The following TSHZ1 variants were observed in gnomAD, a reference collection of about 807,000 sequenced individuals.
The protein encoded by TSHZ1 is teashirt zinc finger homeobox 1.
TSHZ1 carries 12 observed loss-of-function variants against 67.1 expected under a neutral mutation model. That is an observed-to-expected ratio of 0.18 (90% CI 0.11 to 0.29). TSHZ1 has a LOEUF of 0.29. Ranked by LOEUF, TSHZ1 falls within the 10% of genes least tolerant of loss-of-function variation. TSHZ1 has a pLI of 1.00. For synonymous variants in TSHZ1, 632 were observed against 622.4 expected, an observed-to-expected ratio of 1.02 and a Z score of -0.23; for missense variants, 1,305 against 1,413.9, an observed-to-expected ratio of 0.92 and a Z score of 1.23.
At position 75,287,651 on chromosome 18, in the gene TSHZ1, T is replaced by A; in HGVS notation, c.2244T>A (p.Ala748=). The A allele has an allele frequency of 6.2e-7, 1 of 1,614,184 alleles. No individual in the cohort carries two copies. Among genetic ancestry groups the A allele is most frequent in the Non-Finnish European group, 8.5e-7 (1 of 1,180,042 alleles). ...CTTCCTTCATCAACCCGCTGAGCGC[T>A]TTGCAGTCCATCATGAACACCCACC... ...PEPSFINPLS[A]LQSIMNTHLG... The change falls in exon 2 of 2, where the codon GCT becomes GCA. Residue 748 remains alanine (A), a synonymous_variant. Transcript: ENST00000580243. The surrounding 1 kb of genome is among the most constrained non-coding windows in gnomAD (Gnocchi z 5.0).
intron 1 of TSHZ1, among the ~76,000 whole-genome samples, chr18:75,277,331 C>T (rs1397560025): frequency 6.6e-6 from 1 of 152,112 alleles, no homozygotes; most frequent in African/African-American, 2.4e-5. Flanking sequence ...AGCCACAGGA[C>T]GATGGCACAT....
chr18:75,223,116 A>G (rs2022870701), intron 1 of TSHZ1, among the ~76,000 whole-genome samples: 1 of 152,152 alleles, frequency 6.6e-6, no homozygotes, highest in Middle Eastern at 3.2e-3. Context: ...TAATACATTT[A>G]TTCCTCCGTT....
chr18:75,275,958 C>T (rs1245708608), intron 1 of TSHZ1, among the ~76,000 whole-genome samples: 1 of 152,136 alleles, frequency 6.6e-6, no homozygotes, highest in African/African-American at 2.4e-5. Flanking sequence ...ATATAATGTC[C>T]TCTTTTTCTT....
chr18:75,288,919 G>A lies in TSHZ1; in HGVS notation c.*278G>A, dbSNP rs2023824883. 3.2e-6 allele frequency: 1 copy of A among 317,378 alleles called. No individual in the cohort carries two copies. The highest frequency in any genetic ancestry group is 6.0e-6 in the Non-Finnish European group (1 of 167,782). The allele number at this position is 317,378 out of a possible 1,614,324, so 19.7% of individuals were successfully genotyped here. On this transcript the variant is annotated 3_prime_UTR_variant, in exon 2 of 2. Transcript: ENST00000580243. The surrounding 1 kb of genome is among the most constrained non-coding windows in gnomAD (Gnocchi z 4.9). ...GAAATAGTGGGGCACACTACTCAGA[G>A]ACATTATTTAGCAGTAAAGAAAGAC...
At chr18:75,259,338 A>C (rs2023402063) in intron 1 of TSHZ1, among the ~76,000 whole-genome samples, 1 of 152,188 alleles carries the variant, frequency 6.6e-6, no homozygotes, top group Non-Finnish European at 1.5e-5. Context: ...ACTCACCCAC[A>C]GGCAGTCAAC....
chr18:75,276,292 G>GT (rs11390098), intron 1 of TSHZ1, among the ~76,000 whole-genome samples: 147,046 of 149,068 alleles, frequency 0.99, 72,531 homozygotes, highest in Middle Eastern at 1. Context: ...TGTTTCTATT[G>GT]TTTTTTTTTT....
chr18:75,284,659 G>C (rs1050813341), intron 1 of TSHZ1: 1 of 152,426 alleles, frequency 6.6e-6, no homozygotes, highest in Admixed American at 6.5e-5. Context: ...ATGTCCTCTT[G>C]TGTCTGGCTG....
chr18:75,229,985 G>A (rs2022976930), intron 1 of TSHZ1, among the ~76,000 whole-genome samples: 1 of 152,064 alleles, frequency 6.6e-6, no homozygotes, highest in Non-Finnish European at 1.5e-5. Flanking sequence ...GGTGATACTG[G>A]GTATTTTAGA....
intron 1 of TSHZ1, among the ~76,000 whole-genome samples, chr18:75,277,444 A>G (rs2023627513): frequency 6.6e-6 from 1 of 152,126 alleles, no homozygotes; most frequent in Admixed American, 6.5e-5. Context: ...GTTGTAGCAG[A>G]GCACCGTAGA....
chr18:75,285,751 A>G lies in TSHZ1; in HGVS notation c.344A>G (p.Gln115Arg), dbSNP rs748707722. ...SVSYPQDSLA[Q>R]IKAVYANLFS... Reference sequence around the variant, plus strand: ...TCGTACCCCCAGGACAGCCTGGCACAGATCAAAGCTGTGTATGCAAACTTG... The same window carrying G: ...TCGTACCCCCAGGACAGCCTGGCACGGATCAAAGCTGTGTATGCAAACTTG... The change falls in exon 2 of 2, where the codon CAG becomes CGG. Residue 115 changes from glutamine to arginine, a missense_variant. Gln to Arg is a conservative substitution (Grantham distance 43, BLOSUM62 1). Coordinates refer to ENST00000580243, the MANE Select transcript of TSHZ1 (RefSeq NM_001308210.2). 6 of 1,614,126 alleles carry G rather than the reference A, an allele frequency of 3.7e-6. No homozygotes were observed. Among genetic ancestry groups the G allele is most frequent in the Non-Finnish European group, 4.2e-6 (5 of 1,180,014 alleles).
chr18:75,258,079 T>G (rs1448212990), intron 1 of TSHZ1, among the ~76,000 whole-genome samples: 1 of 152,142 alleles, frequency 6.6e-6, no homozygotes, highest in Non-Finnish European at 1.5e-5. Flanking sequence ...TGCCGGCTGC[T>G]GCTCCTCTGT....
At chr18:75,237,297 G>C (rs1281694409) in intron 1 of TSHZ1, among the ~76,000 whole-genome samples, 1 of 152,186 alleles carries the variant, frequency 6.6e-6, no homozygotes, top group Non-Finnish European at 1.5e-5. Flanking sequence ...AGAGGTGGGT[G>C]GGTCACTTGA....
chr18:75,231,380 C>T (rs902933069), intron 1 of TSHZ1, among the ~76,000 whole-genome samples: 1 of 152,228 alleles, frequency 6.6e-6, no homozygotes, highest in East Asian at 1.9e-4. Context: ...GAGTCCTTCT[C>T]TGGCCTGGGG....
At chr18:75,222,477 T>C (rs762834551) in intron 1 of TSHZ1, among the ~76,000 whole-genome samples, 1 of 152,160 alleles carries the variant, frequency 6.6e-6, no homozygotes, top group Non-Finnish European at 1.5e-5. Context: ...TCCTTTTTTT[T>C]CTCAACTCCT....
At chr18:75,260,369 T>C (rs975913842) in intron 1 of TSHZ1, among the ~76,000 whole-genome samples, 2 of 152,210 alleles carry the variant, frequency 1.3e-5, no homozygotes, top group African/African-American at 4.8e-5. Context: ...GGGTTGAAGG[T>C]TTCCTTTTTT....
intron 1 of TSHZ1, among the ~76,000 whole-genome samples, chr18:75,243,909 A>G (rs2023189578): frequency 6.6e-6 from 1 of 152,196 alleles, no homozygotes; most frequent in Non-Finnish European, 1.5e-5. Flanking sequence ...CTGAAGGAAC[A>G]GGGCTTATGG....
chr18:75,240,589 G>A (rs1394515518), intron 1 of TSHZ1, among the ~76,000 whole-genome samples: 1 of 152,116 alleles, frequency 6.6e-6, no homozygotes, highest in Admixed American at 6.5e-5. Flanking sequence ...TCTCTCAGCT[G>A]GAGCACACTG....
intron 1 of TSHZ1, among the ~76,000 whole-genome samples, chr18:75,230,247 T>C (rs182848082): frequency 4.5e-4 from 68 of 152,340 alleles, no homozygotes; most frequent in African/African-American, 1.6e-3. Flanking sequence ...TGCCGTTTCC[T>C]GATTAAAAGC....
intron 1 of TSHZ1, among the ~76,000 whole-genome samples, chr18:75,222,118 C>T (rs748456775): frequency 3.0e-4 from 45 of 152,084 alleles, no homozygotes; most frequent in Non-Finnish European, 2.4e-4. Context: ...AAAAGGAAGC[C>T]GCGCACAAAG....
Sources: allele counts gnomAD v4.1 joint callset (sites outside exome capture counted in the v4.1 genomes callset), GRCh38; gene constraint gnomAD v4.1.1; non-coding constraint Gnocchi (gnomAD v3.1); transcripts MANE v1.5; gene names NCBI Gene and HGNC (gene_info 2026-07-23, HGNC 2026-07-21).